Variants in LIN28B observed in about 807,000 individuals in gnomAD.
The protein encoded by LIN28B is lin-28 RNA binding posttranscriptional regulator B, also known as protein lin-28 homolog B.
In LIN28B, 5 loss-of-function variants were observed where a neutral mutation model predicts 21.9. That is an observed-to-expected ratio of 0.23 (90% CI 0.12 to 0.48). The LOEUF is 0.48. Among genes scored for constraint, LIN28B ranks in the 20% least tolerant of loss-of-function variants. LIN28B has a pLI of 0.98. For missense variants in LIN28B, 245 were observed against 310.5 expected (o/e 0.79, Z 1.58); for synonymous variants, 109 against 111.3 (o/e 0.98, Z 0.13).
intron 2 of LIN28B, among the ~76,000 whole-genome samples, chr6:104,947,405 T>G (rs759790109): frequency 1.0e-3 from 153 of 152,364 alleles, no homozygotes; most frequent in Non-Finnish European, 1.1e-3. Flanking sequence ...ATTACAGGCA[T>G]GAGCCACCAC....
At chr6:105,017,791 A>T (rs1006936342) in intron 2 of LIN28B, among the ~76,000 whole-genome samples, 3 of 152,170 alleles carry the variant, frequency 2.0e-5, no homozygotes, top group Non-Finnish European at 1.5e-5. Flanking sequence ...ATTGGGTAAT[A>T]TGCTCATTAC....
intron 2 of LIN28B, among the ~76,000 whole-genome samples, chr6:104,996,593 G>A (rs1336559751): frequency 6.6e-6 from 1 of 152,132 alleles, no homozygotes; most frequent in Non-Finnish European, 1.5e-5. Context: ...GTCTGTATTG[G>A]GAATACACTA....
At chr6:105,008,521 G>A (rs1289199802) in intron 2 of LIN28B, among the ~76,000 whole-genome samples, 1 of 151,944 alleles carries the variant, frequency 6.6e-6, no homozygotes, top group Non-Finnish European at 1.5e-5. Context: ...GCGGGCGCCT[G>A]TGGTCCCAGC....
chr6:105,057,761 T>G (rs2114396290), intron 3 of LIN28B, among the ~76,000 whole-genome samples: 1 of 152,256 alleles, frequency 6.6e-6, no homozygotes, highest in South Asian at 2.1e-4. Context: ...GGTTAAGGAA[T>G]ATAGATAGTT....
intron 3 of LIN28B, among the ~76,000 whole-genome samples, chr6:105,028,843 C>T (rs1316125642): frequency 1.3e-5 from 2 of 152,236 alleles, no homozygotes; most frequent in African/African-American, 4.8e-5. Context: ...ATCACCATCA[C>T]AGTGAGTATA....
intron 2 of LIN28B, among the ~76,000 whole-genome samples, chr6:105,019,816 AG>A (rs575254798): frequency 1.2e-4 from 18 of 152,018 alleles, no homozygotes; most frequent in Non-Finnish European, 1.9e-4. Flanking sequence ...TCTTTTTACT[AG>A]TTTGTCATTT....
At chr6:105,065,548 C>T (rs899338963) in intron 3 of LIN28B, among the ~76,000 whole-genome samples, 3 of 152,242 alleles carry the variant, frequency 2.0e-5, no homozygotes, top group African/African-American at 7.2e-5. Flanking sequence ...CTCATTTATA[C>T]TTCATCGTTT....
At chr6:104,974,501 AAAAG>A (rs1770046089) in intron 2 of LIN28B, among the ~76,000 whole-genome samples, 1 of 151,336 alleles carries the variant, frequency 6.6e-6, no homozygotes, top group Non-Finnish European at 1.5e-5. Flanking sequence ...AAAAAAAAAA[AAAAG>A]AAAAAGAAAA....
At chr6:104,979,668 C>T (rs1368751668) in intron 2 of LIN28B, among the ~76,000 whole-genome samples, 1 of 150,668 alleles carries the variant, frequency 6.6e-6, no homozygotes, top group Non-Finnish European at 1.5e-5. Context: ...GGGAAATTAA[C>T]TTTCAATTTT....
chr6:105,070,802 C>T (rs552766660), intron 3 of LIN28B, among the ~76,000 whole-genome samples: 12 of 151,982 alleles, frequency 7.9e-5, no homozygotes, highest in East Asian at 1.9e-4. Context: ...GCCCTTTCAC[C>T]GTACTATTTT....
rs1381895995 is a variant in LIN28B, at chr6:105,081,011, A to G, written c.*2228A>G. 2.0e-5 allele frequency: 3 copies of G among 152,630 alleles called. No individual in the cohort carries two copies. Among genetic ancestry groups the G allele is most frequent in the East Asian group, 3.8e-4 (2 of 5,200 alleles). 9.5% of individuals were successfully genotyped at this position (152,630 alleles called of 1,614,324 possible). A position where few individuals can be genotyped will look rare whatever the true frequency, so the allele number is the denominator to read the frequency against. ...GGTGCAATTTGAAATCCTTTTCATCATCTTACCAGACTAAACTAAGAGCAC... is the reference window on the plus strand; with the variant it reads ...GGTGCAATTTGAAATCCTTTTCATCGTCTTACCAGACTAAACTAAGAGCAC... On this transcript the variant is annotated 3_prime_UTR_variant, in exon 4 of 4. Coordinates refer to ENST00000345080, the MANE Select transcript of LIN28B (RefSeq NM_001004317.4).
At chr6:105,044,078 A>G (rs1002385090) in intron 3 of LIN28B, among the ~76,000 whole-genome samples, 14 of 152,088 alleles carry the variant, frequency 9.2e-5, no homozygotes, top group Non-Finnish European at 1.6e-4. Flanking sequence ...ATAATTATCT[A>G]TATTTTTCCT....
chr6:105,044,579 A>G (rs1007889216), intron 3 of LIN28B, among the ~76,000 whole-genome samples: 7 of 152,208 alleles, frequency 4.6e-5, no homozygotes, highest in African/African-American at 7.2e-5. Flanking sequence ...AGAAATTTCA[A>G]TTCCCACAAT....
At chr6:105,063,779 A>C (rs888765579) in intron 3 of LIN28B, among the ~76,000 whole-genome samples, 4 of 151,932 alleles carry the variant, frequency 2.6e-5, no homozygotes, top group Non-Finnish European at 5.9e-5. Flanking sequence ...GCACTGTGCT[A>C]CAGTCATGCC....
intron 3 of LIN28B, chr6:105,045,684 T>TA (rs911385502): frequency 6.6e-6 from 1 of 152,192 alleles, no homozygotes; most frequent in East Asian, 1.9e-4. Flanking sequence ...CACTTCATAT[T>TA]AAAAGAGTTA....
intron 3 of LIN28B, among the ~76,000 whole-genome samples, chr6:105,063,973 A>G (rs1772175798): frequency 6.6e-6 from 1 of 151,506 alleles, no homozygotes; most frequent in South Asian, 2.1e-4. Context: ...GAAAGATCAA[A>G]ATGTTTCAAG....
At chr6:105,057,968 T>TCTA (rs1772052659) in intron 3 of LIN28B, 1 of 259,754 alleles carries the variant, frequency 3.8e-6, no homozygotes, top group Admixed American at 5.9e-5. Flanking sequence ...TGGATCTAAT[T>TCTA]CTACTGGCTG....
intron 2 of LIN28B, among the ~76,000 whole-genome samples, chr6:104,948,846 C>T (rs1288917791): frequency 6.6e-6 from 1 of 152,092 alleles, no homozygotes; most frequent in Admixed American, 6.5e-5. Context: ...TAACCAAGGA[C>T]ATCATATGTA....
At chr6:104,975,841 CTTTTTT>C (rs532004311) in intron 2 of LIN28B, among the ~76,000 whole-genome samples, 1 of 135,382 alleles carries the variant, frequency 7.4e-6, no homozygotes, top group Non-Finnish European at 1.6e-5. Flanking sequence ...TCTTCTTCTT[CTTTTTT>C]TTTTTTTTTT....
Sources: allele counts gnomAD v4.1 joint callset (sites outside exome capture counted in the v4.1 genomes callset), GRCh38; gene constraint gnomAD v4.1.1; transcripts MANE v1.5; gene names NCBI Gene and HGNC (gene_info 2026-07-23, HGNC 2026-07-21).